LRRTM4: variants seen among roughly 807,000 people sequenced by gnomAD.
LRRTM4 encodes leucine rich repeat transmembrane neuronal 4, also known as leucine-rich repeat transmembrane neuronal protein 4.
In LRRTM4, 25 loss-of-function variants were observed where a neutral mutation model predicts 47.6. The observed-to-expected ratio is 0.53, with a 90% CI of 0.38 to 0.73. The LOEUF (loss-of-function observed/expected upper bound fraction) is 0.73, where lower values mean the gene tolerates loss of function less well. Ranked by LOEUF, LRRTM4 falls within the 30% of genes least tolerant of loss-of-function variation. The pLI, the probability that LRRTM4 is intolerant of heterozygous loss-of-function variation, is 0.00. For synonymous variants in LRRTM4, 311 were observed against 269.5 expected, an observed-to-expected ratio of 1.15 and a Z score of -1.51; for missense variants, 638 against 713.4, an observed-to-expected ratio of 0.89 and a Z score of 1.20.
At chr2:76,905,597 G>A (rs1020353410) in intron 3 of LRRTM4, among the ~76,000 whole-genome samples, 18 of 150,660 alleles carry the variant, frequency 1.2e-4, no homozygotes, top group Non-Finnish European at 1.8e-4. Flanking sequence ...TAAAAACTTT[G>A]AAAAAAATTT....
At chr2:76,915,763 GAAAC>G (rs764359362) in intron 3 of LRRTM4, among the ~76,000 whole-genome samples, 49 of 147,760 alleles carry the variant, frequency 3.3e-4, no homozygotes, top group Non-Finnish European at 6.3e-4. Flanking sequence ...TTCAAATAAA[GAAAC>G]ATTTTGAGAA....
chr2:76,808,693 A>G (rs1670636931), intron 3 of LRRTM4, among the ~76,000 whole-genome samples: 2 of 152,214 alleles, frequency 1.3e-5, no homozygotes, highest in Non-Finnish European at 2.9e-5. Context: ...GAACTGGTGT[A>G]GGATGATTCT....
At position 77,455,405 on chromosome 2, in the gene LRRTM4, C is replaced by T. The variant is rs146908877; in HGVS notation, c.1551+62913G>A. Among the ~76,000 whole-genome samples the T allele has an allele frequency of 5.9e-3, 901 of 152,052 alleles. 8 individuals carry two copies. Among genetic ancestry groups the T allele is most frequent in the African/African-American group, 0.021 (867 of 41,448 alleles). On this transcript the variant is annotated intron_variant, in intron 3 of 3. Transcript: ENST00000409884. Reference sequence around the variant, plus strand: ...CAGTAATTTTTTCCAATATTTGACCCCTTTTTGCCAAGATAACCTAGTTGA... The same window carrying T: ...CAGTAATTTTTTCCAATATTTGACCTCTTTTTGCCAAGATAACCTAGTTGA...
intron 3 of LRRTM4, among the ~76,000 whole-genome samples, chr2:77,319,186 G>C (rs1465150664): frequency 6.6e-6 from 1 of 152,040 alleles, no homozygotes; most frequent in African/African-American, 2.4e-5. Context: ...GGAGTTCCAA[G>C]ACCAGCCTGG....
chr2:76,907,527 C>T (rs908885697), intron 3 of LRRTM4, among the ~76,000 whole-genome samples: 2,339 of 146,752 alleles, frequency 0.016, 63 homozygotes, highest in African/African-American at 0.056. Context: ...ACACAAAAAA[C>T]CCTTCAAAAA....
Position 77,348,447 on chromosome 2 carries a change from TTAATA to T in LRRTM4, c.1551+169866_1551+169870del, listed in dbSNP as rs1404024336. Among the ~76,000 whole-genome samples the T allele has an allele frequency of 5.3e-5, 8 of 150,808 alleles. No individual in the cohort carries two copies. The East Asian group carries it at 1.6e-3, about 29-fold the overall frequency. ...AAGGGAAAATTATATATACACACAT[TTAATA>T]TTATAAAATAAAATTTTATAAGCTT... is the stretch of plus-strand genomic sequence containing the variant. On this transcript the variant is annotated intron_variant, in intron 3 of 3. Transcript: ENST00000409884.
At chr2:77,478,472 T>C (rs1375737526) in intron 3 of LRRTM4, among the ~76,000 whole-genome samples, 1 of 152,220 alleles carries the variant, frequency 6.6e-6, no homozygotes, top group Non-Finnish European at 1.5e-5. Context: ...TTTTATGTCC[T>C]AGATCAGCAG....
chr2:77,239,290 G>T (rs1462706451), intron 3 of LRRTM4, among the ~76,000 whole-genome samples: 1 of 151,786 alleles, frequency 6.6e-6, no homozygotes, highest in African/African-American at 2.4e-5. Flanking sequence ...TGATAATGAG[G>T]TATAAATAAG....
At chr2:76,876,136 T>C (rs1227314625) in intron 3 of LRRTM4, among the ~76,000 whole-genome samples, 1 of 152,144 alleles carries the variant, frequency 6.6e-6, no homozygotes, top group Non-Finnish European at 1.5e-5. Context: ...GAACATAGTA[T>C]GCCTAACGAT....
chr2:76,967,479 A>G (rs1273737888), intron 3 of LRRTM4, among the ~76,000 whole-genome samples: 2 of 151,510 alleles, frequency 1.3e-5, no homozygotes, highest in Non-Finnish European at 3.0e-5. Context: ...CAGGGCCTAC[A>G]GAGCAAGTTT....
At chr2:77,036,917 G>A (rs1430106559) in intron 3 of LRRTM4, among the ~76,000 whole-genome samples, 1 of 151,678 alleles carries the variant, frequency 6.6e-6, no homozygotes, top group Non-Finnish European at 1.5e-5. Context: ...CTAAGGTTGT[G>A]AGGGAATTCT....
intron 3 of LRRTM4, among the ~76,000 whole-genome samples, chr2:77,138,265 A>T (rs951669217): frequency 2.0e-5 from 3 of 152,200 alleles, no homozygotes; most frequent in African/African-American, 4.8e-5. Flanking sequence ...AAATTATAAC[A>T]AACTGTCTCT....
intron 3 of LRRTM4, among the ~76,000 whole-genome samples, chr2:77,040,361 C>T (rs911091914): frequency 6.6e-6 from 1 of 151,200 alleles, no homozygotes; most frequent in Admixed American, 6.6e-5. Context: ...TAAAAATAAA[C>T]AGCTCTTGTT....
In LRRTM4 at chr2:77,286,543, G is replaced by A. The variant is rs192912946; in HGVS notation, c.1551+231775C>T. On this transcript the variant is annotated intron_variant, in intron 3 of 3. Transcript: ENST00000409884. ...TATTTTAGCATTATAAAATGCAAAT[G>A]ATTTTTTCTCAATTGGCAGTTTTTT... 3.8e-3 allele frequency among the ~76,000 whole-genome samples: 575 copies of A among 151,168 alleles called. 3 individuals carry two copies. Among genetic ancestry groups the A allele is most frequent in the African/African-American group, 0.013 (536 of 41,358 alleles).
At chr2:76,889,540 G>C (rs1279923918) in intron 3 of LRRTM4, among the ~76,000 whole-genome samples, 1 of 151,902 alleles carries the variant, frequency 6.6e-6, no homozygotes, top group Non-Finnish European at 1.5e-5. Context: ...AAATGAAGAT[G>C]ATGATGATAG....
At chr2:77,356,466 A>C (rs961423732) in intron 3 of LRRTM4, among the ~76,000 whole-genome samples, 1 of 152,204 alleles carries the variant, frequency 6.6e-6, no homozygotes, top group African/African-American at 2.4e-5. Flanking sequence ...CCTCAGAGTT[A>C]GAAAAAATGC....
At chr2:77,363,503 G>T (rs1376060849) in intron 3 of LRRTM4, among the ~76,000 whole-genome samples, 1 of 152,162 alleles carries the variant, frequency 6.6e-6, no homozygotes, top group South Asian at 2.1e-4. Flanking sequence ...CTGAACAGAG[G>T]CAGTGGTGGT....
At chr2:76,907,779 C>G (rs963112861) in intron 3 of LRRTM4, among the ~76,000 whole-genome samples, 14 of 131,590 alleles carry the variant, frequency 1.1e-4, no homozygotes, top group Admixed American at 6.3e-4. Flanking sequence ...TACACTCTCC[C>G]AAGACTAAAC....
chr2:76,965,596 T>C (rs1675998535), intron 3 of LRRTM4, among the ~76,000 whole-genome samples: 1 of 151,290 alleles, frequency 6.6e-6, no homozygotes, highest in East Asian at 1.9e-4. Context: ...ATAATTATTA[T>C]TGTTTACAGG....
Sources: allele counts gnomAD v4.1 joint callset (sites outside exome capture counted in the v4.1 genomes callset), GRCh38; gene constraint gnomAD v4.1.1; transcripts MANE v1.5; gene names NCBI Gene and HGNC (gene_info 2026-07-23, HGNC 2026-07-21).